SYNE3: variants seen among roughly 807,000 people sequenced by gnomAD.
The protein encoded by SYNE3 is nesprin-3.
A neutral mutation model predicts 111.2 loss-of-function variants in SYNE3; 100 were observed. The observed-to-expected ratio is 0.90, with a 90% CI of 0.77 to 1.06. The LOEUF (loss-of-function observed/expected upper bound fraction) is 1.06. SYNE3 is among the 50% of genes least tolerant of loss of function. The pLI is 0.00. For synonymous variants in SYNE3, 547 were observed against 533.9 expected, an observed-to-expected ratio of 1.02 and a Z score of -0.34; for missense variants, 1,160 against 1,240.3, an observed-to-expected ratio of 0.94 and a Z score of 0.97.
chr14:95,452,652 C>T (rs1887166471), intron 6 of SYNE3, among the ~76,000 whole-genome samples: 1 of 152,244 alleles, frequency 6.6e-6, no homozygotes, highest in Non-Finnish European at 1.5e-5. Flanking sequence ...ATGGCAAACA[C>T]TAGCTCCTAA....
At position 95,457,326 on chromosome 14, in the gene SYNE3, G is replaced by T. The variant is rs765029245; in HGVS notation, c.640C>A (p.Leu214Met). The stretch of plus-strand genomic sequence containing the variant: ...TGCTCCCGGGCCACCTGCTCCAGCA[G>T]ATCTACACGCTTCTGTGGGAGGAGG... ...VKAKAQKRVD[L>M]LEQVAREHEE... The change falls in exon 5 of 18, where the codon CTG (leucine) becomes ATG (methionine). Residue 214 changes from leucine (L) to methionine (M), a missense_variant. Leu to Met is a conservative substitution (Grantham distance 15). Coordinates refer to ENST00000682763, the MANE Select transcript of SYNE3 (RefSeq NM_152592.6). 6 of 1,613,686 alleles carry T rather than the reference G, an allele frequency of 3.7e-6. No homozygotes were observed. The highest frequency in any genetic ancestry group is 2.5e-6 in the Non-Finnish European group (3 of 1,179,860).
chr14:95,457,158 A>T lies in SYNE3; in HGVS notation c.789+19T>A. 1 of 1,610,636 alleles carries T rather than the reference A, an allele frequency of 6.2e-7. No homozygotes were observed. Among genetic ancestry groups the T allele is most frequent in the Non-Finnish European group, 8.5e-7 (1 of 1,178,632 alleles). ...ACTGTCCCTAGGGTCCCTCTGGTTG[A>T]GACACAGCTGGGGATTACCTGCAGT... is the stretch of plus-strand genomic sequence containing the variant. On this transcript the variant is annotated intron_variant, in intron 5 of 17. Coordinates refer to ENST00000682763, the MANE Select transcript of SYNE3 (RefSeq NM_152592.6).
chr14:95,430,576 C>T (rs1307012088), intron 17 of SYNE3, among the ~76,000 whole-genome samples: 2 of 152,198 alleles, frequency 1.3e-5, no homozygotes, highest in Non-Finnish European at 2.9e-5. Context: ...GTAATCCCAG[C>T]ACTTTGGGAG....
In SYNE3 at chr14:95,411,329, A is replaced by G. The variant is rs1903429694; in HGVS notation, c.*6497T>C. 6.6e-6 allele frequency: 1 copy of G among 151,548 alleles called. No individual in the cohort carries two copies. Among genetic ancestry groups the G allele is most frequent in the South Asian group, 2.1e-4 (1 of 4,800 alleles). The allele number at this position is 151,548 out of a possible 1,614,324, so 9.4% of individuals were successfully genotyped here. On this transcript the variant is annotated 3_prime_UTR_variant, in exon 18 of 18. Coordinates refer to ENST00000682763, the MANE Select transcript of SYNE3 (RefSeq NM_152592.6). Reference sequence around the variant, plus strand: ...TAATTTTAACATAAATTCAAAAAAAAAAAAAGAAAAAAGAAAAGGAGACCA... The same window carrying G: ...TAATTTTAACATAAATTCAAAAAAAGAAAAAGAAAAAAGAAAAGGAGACCA...
chr14:95,443,375 G>A lies in SYNE3; in HGVS notation c.1777-86C>T. The A allele has an allele frequency of 1.4e-5, 21 of 1,520,482 alleles. 1 individual carries two copies. Among genetic ancestry groups the A allele is most frequent in the Admixed American group, 2.1e-5 (1 of 48,310 alleles). The allele number at this position is 1,520,482 out of a possible 1,614,324, so 94.2% of individuals were successfully genotyped here. A position where few individuals can be genotyped will look rare whatever the true frequency, so the allele number is the denominator to read the frequency against. Reference sequence around the variant, plus strand: ...CGATCAGGGCAGAGCCTCTGAGTGGGAGAGCCTGGGAGGGGTGAATTCCCC... The same window carrying A: ...CGATCAGGGCAGAGCCTCTGAGTGGAAGAGCCTGGGAGGGGTGAATTCCCC... On this transcript the variant is annotated intron_variant, in intron 10 of 17. Transcript: ENST00000682763.
chr14:95,442,747 G>A (rs1056523161), intron 11 of SYNE3, among the ~76,000 whole-genome samples: 1 of 152,248 alleles, frequency 6.6e-6, no homozygotes, highest in Admixed American at 6.5e-5. Context: ...TGTGCAGGCT[G>A]CAAGGGACCC....
rs1331422425 is a variant in SYNE3, at chr14:95,456,099, G to A, written c.790-375C>T. 7 of 343,910 alleles carry A rather than the reference G, an allele frequency of 2.0e-5. No homozygotes were observed. In the East Asian group the frequency reaches 3.1e-4, roughly 15 times the overall value. 21.3% of individuals were successfully genotyped at this position (343,910 alleles called of 1,614,324 possible). A position where few individuals can be genotyped will look rare whatever the true frequency, so the allele number is the denominator to read the frequency against. On this transcript the variant is annotated intron_variant, in intron 5 of 17. Transcript: ENST00000682763. The stretch of plus-strand genomic sequence containing the variant: ...GTTCGGTTTCATTGTATTTATTTGT[G>A]TGGTTATCTACCTATTTGGAATTGG...
chr14:95,475,646 A>G (rs1180467044), intron 2 of SYNE3, 32 bp downstream of exon 2: 2 of 1,476,688 alleles, frequency 1.4e-6, no homozygotes, highest in Admixed American at 4.7e-5. Context: ...GGCCAAGACC[A>G]CAGGGCCATC....
chr14:95,452,726 C>T (rs1887171885), intron 6 of SYNE3, among the ~76,000 whole-genome samples: 3 of 152,206 alleles, frequency 2.0e-5, no homozygotes, highest in African/African-American at 2.4e-5. Flanking sequence ...GTGTCCCATT[C>T]GTTTAAGCCT....
rs540538606 is a variant in SYNE3 at position 95,500,049 on chromosome 14, G to A, written c.-15+16547C>T. 6.0e-4 allele frequency among the ~76,000 whole-genome samples: 91 copies of A among 151,922 alleles called. No homozygotes were observed. The highest frequency in any genetic ancestry group is 2.0e-3 in the African/African-American group (82 of 41,408). On this transcript the variant is annotated intron_variant, in intron 1 of 17. Transcript: ENST00000682763. The surrounding 1 kb of genome is among the most constrained non-coding windows in gnomAD (Gnocchi z 4.7). ...TAATTTTTTTATTTTTAGTAGAGAC[G>A]GAGTTTCACCATGTTGGTCAGGCTG...
chr14:95,424,616 G>T (rs900929802), intron 17 of SYNE3, among the ~76,000 whole-genome samples: 2 of 152,178 alleles, frequency 1.3e-5, no homozygotes, highest in Non-Finnish European at 2.9e-5. Flanking sequence ...CTGACGACAT[G>T]TGTCTCCTGA....
chr14:95,422,599 C>T (rs917644296), intron 17 of SYNE3, among the ~76,000 whole-genome samples: 2 of 152,214 alleles, frequency 1.3e-5, no homozygotes, highest in Non-Finnish European at 2.9e-5. Context: ...GAGGAAGTCA[C>T]ATCCCATCAC....
At chr14:95,436,229 AATGCAGGGGAATTAATGTT>A (rs1240048417) in intron 15 of SYNE3, among the ~76,000 whole-genome samples, 6 of 152,228 alleles carry the variant, frequency 3.9e-5, no homozygotes, top group Admixed American at 2.6e-4. Flanking sequence ...TGGCAAACAG[AATGCAGGGGAATTAATGTT>A]ATGCTGGCTC....
At chr14:95,428,262 A>G (rs1885549239) in intron 17 of SYNE3, among the ~76,000 whole-genome samples, 1 of 152,172 alleles carries the variant, frequency 6.6e-6, no homozygotes, top group Non-Finnish European at 1.5e-5. Flanking sequence ...CTCGGTTTAC[A>G]CAATCAGTGT....
At chr14:95,474,298 A>G (rs1223612037) in intron 2 of SYNE3, among the ~76,000 whole-genome samples, 1 of 152,222 alleles carries the variant, frequency 6.6e-6, no homozygotes, top group Non-Finnish European at 1.5e-5. Flanking sequence ...TTAGAGGAAG[A>G]GAATAACATC....
intron 6 of SYNE3, among the ~76,000 whole-genome samples, chr14:95,452,825 G>A (rs530809747): frequency 9.2e-5 from 14 of 152,252 alleles, no homozygotes; most frequent in Admixed American, 6.5e-4. Context: ...TGCAGAGTCT[G>A]TAGATGGTGG....
Position 95,417,435 on chromosome 14 carries a change from C to T in SYNE3, c.*391G>A, listed in dbSNP as rs1903615807. ...GGAGAAGAGGTTGCCATGAAAGTGA[C>T]ATGTTATTGTTCTTGCTTTCTAGGG... On this transcript the variant is annotated 3_prime_UTR_variant, in exon 18 of 18. Transcript: ENST00000682763. 3.9e-6 allele frequency: 1 copy of T among 254,730 alleles called. No homozygotes were observed. The highest frequency in any genetic ancestry group is 7.8e-6 in the Non-Finnish European group (1 of 128,508). 15.8% of individuals were successfully genotyped at this position (254,730 alleles called of 1,614,324 possible).
intron 1 of SYNE3, among the ~76,000 whole-genome samples, chr14:95,511,426 C>T (rs1245221900): frequency 1.3e-5 from 2 of 152,130 alleles, no homozygotes; most frequent in Non-Finnish European, 2.9e-5. Context: ...CTGGGCCAGG[C>T]GCGGTGACTC....
chr14:95,490,796 G>A (rs1459931461), intron 1 of SYNE3, among the ~76,000 whole-genome samples: 1 of 152,254 alleles, frequency 6.6e-6, no homozygotes, highest in African/African-American at 2.4e-5. Context: ...GGCCAGGCCT[G>A]TGGCCCTATC....
Sources: allele counts gnomAD v4.1 joint callset (sites outside exome capture counted in the v4.1 genomes callset), GRCh38; gene constraint gnomAD v4.1.1; non-coding constraint Gnocchi (gnomAD v3.1); transcripts MANE v1.5; gene names NCBI Gene and HGNC (gene_info 2026-07-23, HGNC 2026-07-21).